TRIO: variants seen among roughly 807,000 people sequenced by gnomAD.
The protein encoded by TRIO is triple functional domain protein.
In TRIO, 58 loss-of-function variants were observed where a neutral mutation model predicts 351.9. The observed-to-expected ratio is 0.16, with a 90% confidence interval of 0.13 to 0.21. TRIO has a LOEUF of 0.21. Ranked by LOEUF, TRIO falls within the 10% of genes least tolerant of loss-of-function variation. The probability of loss-of-function intolerance (pLI) is 1.00; values close to 1 mark genes in which losing one functional copy is unlikely to be tolerated. For synonymous variants in TRIO, 1,758 were observed against 1,595.7 expected, an observed-to-expected ratio of 1.10 and a Z score of -2.42; for missense variants, 3,201 against 4,027.8, an observed-to-expected ratio of 0.79 and a Z score of 5.56.
chr5:14,239,711 C>T (rs1016017965), intron 1 of TRIO, among the ~76,000 whole-genome samples: 6 of 152,130 alleles, frequency 3.9e-5, no homozygotes, highest in Admixed American at 3.3e-4. Context: ...CTATTGTCTG[C>T]GTTCTCGTTG....
intron 49 of TRIO, among the ~76,000 whole-genome samples, chr5:14,495,648 G>A (rs1276724900): frequency 7.3e-5 from 7 of 95,364 alleles, no homozygotes; most frequent in South Asian, 4.2e-4. Flanking sequence ...GTGAAACCCC[G>A]TCTCTACTAG....
rs1305285227 is a variant in TRIO at position 14,150,857 on chromosome 5, AAG to A, written c.157+6977_157+6978del. On this transcript the variant is annotated intron_variant, in intron 1 of 56. Transcript: ENST00000344204. ...CCGGGGGTGATCTAGGGTAATGGTA[AAG>A]ATAGATAGGGGGAAATAAAGATTCT... is the stretch of plus-strand genomic sequence containing the variant. Among the ~76,000 whole-genome samples the A allele has an allele frequency of 1.1e-4, 17 of 152,350 alleles. No individual in the cohort carries two copies. In the East Asian group the frequency reaches 2.5e-3, roughly 22 times the overall value.
chr5:14,419,746 T>C (rs377393305), intron 33 of TRIO, 32 bp from the exon 34 acceptor site: 3 of 1,609,902 alleles, frequency 1.9e-6, no homozygotes, highest in Non-Finnish European at 2.5e-6. Context: ...TCACACTGGC[T>C]GACCTGTCCT....
chr5:14,230,208 G>A (rs1413653412), intron 1 of TRIO, among the ~76,000 whole-genome samples: 1 of 152,210 alleles, frequency 6.6e-6, no homozygotes, highest in Admixed American at 6.5e-5. Context: ...CTCCACTTAT[G>A]TGATAGTTCC....
chr5:14,507,491 C>T (rs904848504), intron 56 of TRIO, among the ~76,000 whole-genome samples: 3 of 152,204 alleles, frequency 2.0e-5, no homozygotes, highest in Non-Finnish European at 4.4e-5. Flanking sequence ...TCCCAGCCTT[C>T]CACGACTTTC....
intron 10 of TRIO, among the ~76,000 whole-genome samples, chr5:14,335,398 G>A (rs901243603): frequency 6.6e-6 from 1 of 152,184 alleles, no homozygotes; most frequent in Admixed American, 6.5e-5. Context: ...CTGACTTCCT[G>A]GGCCTTCTTA....
At chr5:14,181,489 G>C (rs1789764983) in intron 1 of TRIO, among the ~76,000 whole-genome samples, 1 of 152,212 alleles carries the variant, frequency 6.6e-6, no homozygotes, top group African/African-American at 2.4e-5. Flanking sequence ...CCCAATCTCA[G>C]AATCTGTGAT....
intron 49 of TRIO, among the ~76,000 whole-genome samples, chr5:14,494,326 T>A (rs1473103741): frequency 2.6e-5 from 4 of 152,204 alleles, no homozygotes; most frequent in African/African-American, 9.6e-5. Flanking sequence ...CTGCCTGTGC[T>A]CTAGAAATGG....
At chr5:14,187,328 C>T (rs1232736376) in intron 1 of TRIO, among the ~76,000 whole-genome samples, 10 of 152,176 alleles carry the variant, frequency 6.6e-5, no homozygotes. Context: ...GCAGAAGTTG[C>T]TAGATGGTTT....
intron 34 of TRIO, among the ~76,000 whole-genome samples, chr5:14,458,578 A>G (rs1382091770): frequency 6.6e-6 from 1 of 152,212 alleles, no homozygotes; most frequent in African/African-American, 2.4e-5. Flanking sequence ...TGAAGAAACT[A>G]GGTGTTCATT....
chr5:14,284,903 C>T (rs899884846), intron 3 of TRIO, among the ~76,000 whole-genome samples: 1 of 152,176 alleles, frequency 6.6e-6, no homozygotes, highest in African/African-American at 2.4e-5. Flanking sequence ...AGCTCTTGGC[C>T]TCCGGGCACC....
intron 5 of TRIO, among the ~76,000 whole-genome samples, chr5:14,292,035 G>C (rs1297256742): frequency 6.6e-6 from 1 of 152,120 alleles, no homozygotes; most frequent in East Asian, 1.9e-4. Context: ...TTAGCAATGT[G>C]GAAACTGGGC....
intron 3 of TRIO, among the ~76,000 whole-genome samples, chr5:14,284,645 T>G (rs775064392): frequency 1.3e-5 from 2 of 152,160 alleles, no homozygotes; most frequent in Non-Finnish European, 2.9e-5. Flanking sequence ...TAAGCTTCTT[T>G]CAAGTAGAGG....
In TRIO at chr5:14,487,739, A is replaced by AC; in HGVS notation, c.7116dup (p.Gly2373ArgfsTer68). ...GGCAGACAAGATGTCAGGTACGTCC[A>AC]CCCCCGGGCCCTCCCTGCCTCCCCC... On this transcript the variant is annotated frameshift_variant, in exon 48 of 57. Coordinates refer to ENST00000344204, the MANE Select transcript of TRIO (RefSeq NM_007118.4). LOFTEE classifies it high-confidence loss of function. 7.1e-7 allele frequency: 1 copy of AC among 1,411,446 alleles called. No individual in the cohort carries two copies. 87.4% of individuals were successfully genotyped at this position (1,411,446 alleles called of 1,614,324 possible).
intron 1 of TRIO, among the ~76,000 whole-genome samples, chr5:14,145,809 G>A (rs369271313): frequency 5.9e-5 from 9 of 152,174 alleles, no homozygotes; most frequent in African/African-American, 2.2e-4. Flanking sequence ...TTTGCTGCCT[G>A]TTGGCGTGGC....
In TRIO at chr5:14,297,278, C is replaced by A; in HGVS notation, c.1368+15C>A. ...AGGCCGAAAAGGTCAGTGCCTTGAA[C>A]CCCCAGCCCACGAGGTGGTAACCAG... On this transcript the variant is annotated intron_variant, in intron 7 of 56. Coordinates refer to ENST00000344204, the MANE Select transcript of TRIO (RefSeq NM_007118.4). 1 of 1,610,068 alleles carries A rather than the reference C, an allele frequency of 6.2e-7. No individual in the cohort carries two copies. Among genetic ancestry groups the A allele is most frequent in the South Asian group, 1.1e-5 (1 of 90,622 alleles).
chr5:14,357,889 C>T (rs148208771), intron 11 of TRIO, among the ~76,000 whole-genome samples: 8 of 152,248 alleles, frequency 5.3e-5, no homozygotes, highest in Non-Finnish European at 8.8e-5. Context: ...GAGCAGCTTC[C>T]CTTCCCTTTC....
In TRIO at chr5:14,411,884, G is replaced by T. The variant is rs73061650; in HGVS notation, c.4959+5212G>T. Among the ~76,000 whole-genome samples the T allele has an allele frequency of 3.5e-3, 536 of 151,956 alleles. 2 individuals carry two copies. Among genetic ancestry groups the T allele is most frequent in the African/African-American group, 0.012 (503 of 41,416 alleles). On this transcript the variant is annotated intron_variant, in intron 33 of 56. Transcript: ENST00000344204. ...AGCCTCTCAAAACGCTGGGATTATT[G>T]TCCTGAGCCCCACTGCATCCAGCCA...
At chr5:14,158,153 G>A (rs965559175) in intron 1 of TRIO, among the ~76,000 whole-genome samples, 8 of 152,152 alleles carry the variant, frequency 5.3e-5, no homozygotes, top group African/African-American at 1.4e-4. Context: ...TAGGCCGGGC[G>A]CTGTGGCTCA....
Sources: gnomAD v4.1 joint callset for allele counts (sites outside exome capture counted in the v4.1 genomes callset) on GRCh38, gnomAD v4.1.1 for gene constraint, MANE v1.5 for transcripts, NCBI Gene and HGNC (gene_info 2026-07-23, HGNC 2026-07-21) for gene names.